Variants in LRBA observed in about 807,000 individuals in gnomAD.
LRBA encodes lipopolysaccharide-responsive and beige-like anchor protein.
A neutral mutation model predicts 330.0 loss-of-function variants in LRBA; 176 were observed. That is an observed-to-expected ratio of 0.53 (90% CI 0.47 to 0.60). LRBA has a LOEUF of 0.60. Among genes scored for constraint, LRBA ranks in the 20% least tolerant of loss-of-function variants. The pLI, the probability that LRBA is intolerant of heterozygous loss-of-function variation, is 0.00. For missense variants in LRBA, 3,259 were observed against 3,444.8 expected (o/e 0.95, Z 1.35); for synonymous variants, 1,230 against 1,193.0 (o/e 1.03, Z -0.64).
intron 40 of LRBA, among the ~76,000 whole-genome samples, chr4:150,525,611 A>G (rs1050404720): frequency 1.5e-4 from 23 of 152,178 alleles, no homozygotes; most frequent in African/African-American, 5.3e-4. Flanking sequence ...GAGAGTTACA[A>G]TATCATCAAA....
Position 150,880,453 on chromosome 4 carries a change from G to A in LRBA, c.2166-7698C>T, listed in dbSNP as rs1293578771. Among the ~76,000 whole-genome samples the A allele has an allele frequency of 2.0e-5, 3 of 150,978 alleles. No individual in the cohort carries two copies. The Admixed American group carries it at 2.0e-4, about 10-fold the overall frequency. On this transcript the variant is annotated intron_variant, in intron 17 of 56. Transcript: ENST00000651943. ...GAAGATCGCTTCAGATGCAGAGGCA[G>A]AGGCTGTAGTGAGCTGTGATCGTGC...
chr4:150,579,109 C>T (rs572420387), intron 40 of LRBA: 2 of 374,060 alleles, frequency 5.3e-6, no homozygotes, highest in Middle Eastern at 5.1e-4. Context: ...TCTAGAGTTT[C>T]TTTCTCTCAC....
chr4:150,874,108 G>GT (rs986948806), intron 17 of LRBA, among the ~76,000 whole-genome samples: 1 of 152,034 alleles, frequency 6.6e-6, no homozygotes, highest in Admixed American at 6.5e-5. Flanking sequence ...AGTTTTTTGA[G>GT]TTTTTTTCCC....
rs1053746448 is a variant in LRBA at position 150,929,097 on chromosome 4, G to C, written c.217-32C>G. Reference sequence around the variant, plus strand: ...AGGAAAAAAAAAAAACACATTAAAAGCATTAGTATCCTCAATATCACTATA... The same window carrying C: ...AGGAAAAAAAAAAAACACATTAAAACCATTAGTATCCTCAATATCACTATA... On this transcript the variant is annotated intron_variant, in intron 2 of 56. Transcript: ENST00000651943. 2.2e-6 allele frequency: 3 copies of C among 1,361,808 alleles called. No individual in the cohort carries two copies. The Admixed American group carries it at 5.3e-5, about 24-fold the overall frequency. 84.4% of individuals were successfully genotyped at this position (1,361,808 alleles called of 1,614,324 possible).
intron 17 of LRBA, among the ~76,000 whole-genome samples, chr4:150,886,960 T>C (rs1653212): frequency 0.96 from 146,126 of 152,256 alleles, 70,395 homozygotes; most frequent in Non-Finnish European, 1. Flanking sequence ...AAAATAAAGG[T>C]TAACAAAGTC....
At chr4:151,014,128 A>T (rs760660145) in intron 2 of LRBA, 18 of 244,948 alleles carry the variant, frequency 7.3e-5, no homozygotes, top group Non-Finnish European at 1.4e-4. Context: ...CCAAGAAAAA[A>T]AAAATTAGAG....
intron 30 of LRBA, among the ~76,000 whole-genome samples, chr4:150,823,173 T>C (rs558920894): frequency 1.2e-4 from 18 of 152,330 alleles, no homozygotes; most frequent in African/African-American, 4.3e-4. Flanking sequence ...TGATCAATGA[T>C]GTTGAGCATC....
At chr4:150,990,943 C>T (rs895168643) in intron 2 of LRBA, among the ~76,000 whole-genome samples, 56 of 151,930 alleles carry the variant, frequency 3.7e-4, no homozygotes, top group African/African-American at 1.3e-3. Context: ...ATCACTTGAA[C>T]CAGGGAAGCG....
At chr4:150,893,224 T>C (rs1185348308) in intron 16 of LRBA, 75 bp from the exon 17 acceptor site, 5 of 740,268 alleles carry the variant, frequency 6.8e-6, no homozygotes, top group South Asian at 1.7e-5. Context: ...ACTTCTGAAA[T>C]AGAAATTTCA....
chr4:150,772,027 T>C (rs987186403), intron 34 of LRBA, among the ~76,000 whole-genome samples: 1 of 152,212 alleles, frequency 6.6e-6, no homozygotes, highest in African/African-American at 2.4e-5. Flanking sequence ...AAACTTTTTT[T>C]GTCAACAATT....
chr4:150,739,353 TTA>T (rs1371879449), intron 35 of LRBA, among the ~76,000 whole-genome samples: 8 of 3,596 alleles, frequency 2.2e-3, no homozygotes, highest in Non-Finnish European at 0.021. Context: ...ATGGAACATA[TTA>T]AAAAAAACAG....
intron 4 of LRBA, among the ~76,000 whole-genome samples, chr4:150,922,001 G>A (rs1733333946): frequency 6.6e-6 from 1 of 152,104 alleles, no homozygotes; most frequent in African/African-American, 2.4e-5. Flanking sequence ...GGGATTACAG[G>A]CGTAAGCCAC....
At chr4:150,750,600 A>T (rs1733394281) in intron 35 of LRBA, among the ~76,000 whole-genome samples, 1 of 151,776 alleles carries the variant, frequency 6.6e-6, no homozygotes, top group Admixed American at 6.6e-5. Flanking sequence ...GGTGCATACT[A>T]CCCAATTTTT....
intron 48 of LRBA, among the ~76,000 whole-genome samples, chr4:150,348,565 T>C (rs1426181131): frequency 2.6e-5 from 4 of 152,154 alleles, no homozygotes; most frequent in Non-Finnish European, 5.9e-5. Context: ...AATATGCTGG[T>C]ATATTAAATA....
chr4:150,274,926 T>G (rs1293324443), intron 56 of LRBA, among the ~76,000 whole-genome samples: 1 of 152,170 alleles, frequency 6.6e-6, no homozygotes, highest in Non-Finnish European at 1.5e-5. Context: ...CTAACTCATT[T>G]TATGAGGCCA....
chr4:150,597,140 G>GATT (rs1383036872), intron 38 of LRBA: 2 of 1,272,290 alleles, frequency 1.6e-6, no homozygotes, highest in African/African-American at 3.0e-5. Context: ...ATTAACATTG[G>GATT]ATTAACCTTT....
At chr4:150,421,323 AAT>A (rs1042989900) in intron 46 of LRBA, among the ~76,000 whole-genome samples, 3 of 145,018 alleles carry the variant, frequency 2.1e-5, no homozygotes, top group African/African-American at 5.0e-5. Context: ...ATAACATATA[AAT>A]ATATGTCATT....
chr4:150,581,542 A>AT (rs1424452409), intron 40 of LRBA: 6 of 196,774 alleles, frequency 3.0e-5, no homozygotes, highest in Non-Finnish European at 5.0e-5. Flanking sequence ...TGATAGAATC[A>AT]TTTAAAAAAA....
intron 2 of LRBA, among the ~76,000 whole-genome samples, chr4:150,940,824 T>C (rs898790701): frequency 2.0e-5 from 3 of 152,090 alleles, no homozygotes; most frequent in African/African-American, 7.2e-5. Context: ...CTTCTCTCTT[T>C]CCTACATAAT....
Sources: gnomAD v4.1 joint callset for allele counts (sites outside exome capture counted in the v4.1 genomes callset) on GRCh38, gnomAD v4.1.1 for gene constraint, MANE v1.5 for transcripts, NCBI Gene and HGNC (gene_info 2026-07-23, HGNC 2026-07-21) for gene names.